The following TOM1L1 variants were observed in gnomAD, a reference collection of about 807,000 sequenced individuals.
TOM1L1 encodes the protein target of myb1 like 1 membrane trafficking protein, also known as TOM1-like protein 1.
Under a neutral mutation model 63.4 loss-of-function variants are expected in TOM1L1, and 64 were observed. The ratio of observed to expected loss-of-function variants is 1.01; its 90% CI spans 0.83 to 1.24. The LOEUF is 1.24. TOM1L1 is among the 50% of genes most tolerant of loss of function. TOM1L1 has a pLI of 0.00. For synonymous variants in TOM1L1, 166 were observed against 194.4 expected (o/e 0.85, Z 1.22); for missense variants, 536 against 567.0 (o/e 0.95, Z 0.55).
chr17:54,943,007 T>TGTGTTTTGAA (rs2049056376), intron 11 of TOM1L1, among the ~76,000 whole-genome samples: 3 of 152,228 alleles, frequency 2.0e-5, no homozygotes. Flanking sequence ...CATTCGGCTA[T>TGTGTTTTGAA]GTTGGATCTT....
rs748336478 is a variant in TOM1L1 at position 54,936,653 on chromosome 17, A to C, written c.859A>C (p.Thr287Pro). Reference sequence around the variant, plus strand: ...GCATTTTGATCATTTAAACAGGTTTACTAGAAACCAACAAAGGATTTTGGA... The same window carrying C: ...GCATTTTGATCATTTAAACAGGTTTCCTAGAAACCAACAAAGGATTTTGGA... Reference protein sequence around the residue: ...NNAILGYERFTRNQQRILEQN... With the variant: ...NNAILGYERFPRNQQRILEQN... Residue 287 changes from threonine to proline, a missense_variant, in exon 9 of 16, where the codon ACT (threonine) becomes CCT (proline). Coordinates refer to ENST00000575882, the MANE Select transcript of TOM1L1 (RefSeq NM_005486.3). 6.2e-7 allele frequency: 1 copy of C among 1,604,928 alleles called. No individual in the cohort carries two copies. The highest frequency in any genetic ancestry group is 1.8e-5 in the Admixed American group (1 of 57,080).
intron 7 of TOM1L1, among the ~76,000 whole-genome samples, chr17:54,929,105 C>T (rs891169902): frequency 6.6e-6 from 1 of 152,268 alleles, no homozygotes; most frequent in South Asian, 2.1e-4. Context: ...GAAGCAGCAT[C>T]CCTGTGTTTT....
intron 14 of TOM1L1, chr17:54,958,122 T>G (rs996629826): frequency 5.5e-5 from 8 of 144,320 alleles, no homozygotes; most frequent in African/African-American, 2.0e-4. Context: ...TCTGGCACAT[T>G]CAAGGAAATG....
At chr17:54,958,895 T>C (rs939076113) in intron 14 of TOM1L1, among the ~76,000 whole-genome samples, 3 of 151,918 alleles carry the variant, frequency 2.0e-5, no homozygotes, top group African/African-American at 7.3e-5. Context: ...GAAGGAGAGG[T>C]TGAAGACTCA....
intron 14 of TOM1L1, among the ~76,000 whole-genome samples, chr17:54,959,914 T>C (rs1005982421): frequency 6.6e-6 from 1 of 152,116 alleles, no homozygotes; most frequent in African/African-American, 2.4e-5. Flanking sequence ...ACTGCACTTG[T>C]CCTAATATTT....
At chr17:54,938,493 C>CAAAAAAAA (rs34581628) in intron 10 of TOM1L1, 2 of 71,114 alleles carry the variant, frequency 2.8e-5, no homozygotes, top group Non-Finnish European at 5.0e-5. Context: ...GACTCCATCT[C>CAAAAAAAA]AAAAAAAAAA....
intron 8 of TOM1L1, among the ~76,000 whole-genome samples, chr17:54,930,861 A>T (rs1011590915): frequency 4.0e-5 from 6 of 151,742 alleles, no homozygotes; most frequent in African/African-American, 1.2e-4. Flanking sequence ...AATAAATAAA[A>T]TAAATAAATA....
At chr17:54,914,875 C>G in intron 6 of TOM1L1, 132 bp downstream of exon 6, 1 of 728,668 alleles carries the variant, frequency 1.4e-6, no homozygotes, top group Admixed American at 2.0e-5. Context: ...GAGACTGAGG[C>G]TTAGTAATAC....
intron 8 of TOM1L1, among the ~76,000 whole-genome samples, chr17:54,932,087 G>A (rs1050331674): frequency 2.6e-5 from 4 of 151,718 alleles, no homozygotes; most frequent in African/African-American, 4.8e-5. Flanking sequence ...GTAGCAGGAC[G>A]AGCCGCAGAC....
chr17:54,940,350 A>T (rs2049016088), intron 11 of TOM1L1, among the ~76,000 whole-genome samples: 1 of 152,250 alleles, frequency 6.6e-6, no homozygotes, highest in Non-Finnish European at 1.5e-5. Context: ...CCAATATTTC[A>T]TAACATACTT....
intron 6 of TOM1L1, 79 bp from the exon 7 acceptor site, chr17:54,915,667 A>G: frequency 1.0e-6 from 1 of 976,474 alleles, no homozygotes; most frequent in African/African-American, 1.7e-5. Flanking sequence ...TTCATCCAGC[A>G]AATGTCCCAT....
chr17:54,949,922 C>A, intron 13 of TOM1L1, 123 bp from the exon 14 acceptor site: 1 of 758,556 alleles, frequency 1.3e-6, no homozygotes. Flanking sequence ...ATTGGGACAC[C>A]AGTCTGTTTT....
At chr17:54,954,796 T>TC (rs1356803208) in intron 14 of TOM1L1, 1 of 152,230 alleles carries the variant, frequency 6.6e-6, no homozygotes, top group Non-Finnish European at 1.5e-5. Flanking sequence ...ATTCTGCATT[T>TC]CATCTGCAAG....
chr17:54,901,622 T>A (rs2048328917), intron 1 of TOM1L1, among the ~76,000 whole-genome samples: 1 of 152,116 alleles, frequency 6.6e-6, no homozygotes, highest in Non-Finnish European at 1.5e-5. Context: ...ACCAGCTCAC[T>A]GCTCCTTCTT....
At chr17:54,935,524 C>A (rs953962509) in intron 8 of TOM1L1, among the ~76,000 whole-genome samples, 10 of 152,076 alleles carry the variant, frequency 6.6e-5, no homozygotes, top group African/African-American at 2.4e-4. Context: ...TAAAGCAAAT[C>A]TCAGTTTACA....
chr17:54,915,690 C>A, intron 6 of TOM1L1, 56 bp from the exon 7 acceptor site: 1 of 1,230,464 alleles, frequency 8.1e-7, no homozygotes, highest in Non-Finnish European at 1.1e-6. Context: ...GGGCAGGAAA[C>A]AAGGTAGTTA....
chr17:54,924,448 T>C (rs1005965192), intron 7 of TOM1L1, among the ~76,000 whole-genome samples: 6 of 151,988 alleles, frequency 3.9e-5, no homozygotes, highest in African/African-American at 1.5e-4. Flanking sequence ...CCCAGCTATT[T>C]TTTGTATTTT....
chr17:54,952,207 A>AC (rs1439720988), intron 14 of TOM1L1: 1 of 152,132 alleles, frequency 6.6e-6, no homozygotes, highest in African/African-American at 2.4e-5. Flanking sequence ...AGGGGAAGAA[A>AC]CCAAGTAACA....
At chr17:54,918,126 T>C (rs1254316177) in intron 7 of TOM1L1, among the ~76,000 whole-genome samples, 2 of 152,200 alleles carry the variant, frequency 1.3e-5, no homozygotes, top group Non-Finnish European at 2.9e-5. Context: ...TTCCATGTTC[T>C]AGGCAGTACT....
Sources: gnomAD v4.1 joint callset for allele counts (sites outside exome capture counted in the v4.1 genomes callset) on GRCh38, gnomAD v4.1.1 for gene constraint, MANE v1.5 for transcripts, NCBI Gene and HGNC (gene_info 2026-07-23, HGNC 2026-07-21) for gene names.